The following TNS3 variants were observed in gnomAD, a reference collection of about 807,000 sequenced individuals.
The protein encoded by TNS3 is tensin-3.
A neutral mutation model predicts 140.9 loss-of-function variants in TNS3; 45 were observed. That is an observed-to-expected ratio of 0.32 (90% CI 0.25 to 0.41). The LOEUF (loss-of-function observed/expected upper bound fraction) is 0.41, where lower values mean the gene tolerates loss of function less well. Ranked by LOEUF, TNS3 falls within the 10% of genes least tolerant of loss-of-function variation. The probability of loss-of-function intolerance (pLI) is 1.00; values close to 1 mark genes in which losing one functional copy is unlikely to be tolerated. For synonymous variants in TNS3, 815 were observed against 788.4 expected, an observed-to-expected ratio of 1.03 and a Z score of -0.56; for missense variants, 1,716 against 1,906.7, an observed-to-expected ratio of 0.90 and a Z score of 1.86.
chr7:47,549,973 G>A, intron 1 of TNS3, among the ~76,000 whole-genome samples: 1 of 117,608 alleles, frequency 8.5e-6, no homozygotes, highest in African/African-American at 3.4e-5. Flanking sequence ...TTTGGCTCTT[G>A]ACAGGGGTGC....
intron 10 of TNS3, among the ~76,000 whole-genome samples, chr7:47,416,230 G>A (rs146038244): frequency 2.8e-4 from 43 of 152,324 alleles, no homozygotes; most frequent in Admixed American, 4.6e-4. Flanking sequence ...GGCAGACTGA[G>A]GCAGGAAGTG....
intron 16 of TNS3, among the ~76,000 whole-genome samples, chr7:47,392,478 G>A (rs1350155069): frequency 6.6e-6 from 1 of 152,216 alleles, no homozygotes; most frequent in Non-Finnish European, 1.5e-5. Flanking sequence ...TAACCAGGCG[G>A]CGGGGGGATA....
At chr7:47,347,214 A>G (rs1450565115) in intron 17 of TNS3, among the ~76,000 whole-genome samples, 1 of 152,178 alleles carries the variant, frequency 6.6e-6, no homozygotes, top group African/African-American at 2.4e-5. Flanking sequence ...GTAGCATTTC[A>G]CTGAAAGATG....
chr7:47,567,930 A>T (rs1390633205), intron 1 of TNS3, among the ~76,000 whole-genome samples: 1 of 152,204 alleles, frequency 6.6e-6, no homozygotes, highest in Non-Finnish European at 1.5e-5. Flanking sequence ...AACATGACTT[A>T]TTCTGCCAGT....
At chr7:47,291,125 A>G (rs1194381125) in intron 27 of TNS3, among the ~76,000 whole-genome samples, 1 of 152,216 alleles carries the variant, frequency 6.6e-6, no homozygotes, top group Admixed American at 6.5e-5. Flanking sequence ...ATACTGGAAA[A>G]GTTGAAAATA....
intron 3 of TNS3, among the ~76,000 whole-genome samples, chr7:47,496,507 G>A (rs1441490318): frequency 2.0e-5 from 3 of 152,212 alleles, no homozygotes; most frequent in African/African-American, 7.2e-5. Flanking sequence ...AGGGGAATCA[G>A]CAGAGGCTGC....
intron 2 of TNS3, among the ~76,000 whole-genome samples, chr7:47,524,155 C>G (rs903682286): frequency 6.6e-6 from 1 of 152,170 alleles, no homozygotes; most frequent in Non-Finnish European, 1.5e-5. Flanking sequence ...ACGAAGCAGC[C>G]GTCCCCTGGG....
intron 1 of TNS3, among the ~76,000 whole-genome samples, chr7:47,554,827 G>C (rs184231046): frequency 1.3e-5 from 2 of 151,638 alleles, no homozygotes; most frequent in East Asian, 3.9e-4. Flanking sequence ...TCAAGAGATG[G>C]AGACCATCCT....
intron 6 of TNS3, among the ~76,000 whole-genome samples, chr7:47,437,934 T>C (rs909296824): frequency 6.0e-5 from 9 of 151,202 alleles, no homozygotes; most frequent in Non-Finnish European, 1.0e-4. Context: ...GCCCCAGGCC[T>C]GGAAAGGGCT....
chr7:47,569,286 T>C (rs947945418), intron 1 of TNS3, among the ~76,000 whole-genome samples: 3 of 152,220 alleles, frequency 2.0e-5, no homozygotes, highest in African/African-American at 7.2e-5. Context: ...CTCACGCCTG[T>C]AATCCGAGCA....
intron 6 of TNS3, among the ~76,000 whole-genome samples, chr7:47,438,355 G>A (rs535769728): frequency 6.6e-6 from 1 of 152,270 alleles, no homozygotes; most frequent in African/African-American, 2.4e-5. Flanking sequence ...TTTGGGGAAG[G>A]GGGACTGGGG....
intron 20 of TNS3, among the ~76,000 whole-genome samples, chr7:47,317,256 G>T (rs553492261): frequency 6.6e-6 from 1 of 152,194 alleles, no homozygotes; most frequent in African/African-American, 2.4e-5. Flanking sequence ...ACCAAAAGCC[G>T]GGTGACCCTT....
At chr7:47,511,123 A>G (rs1192995203) in intron 2 of TNS3, among the ~76,000 whole-genome samples, 1 of 152,260 alleles carries the variant, frequency 6.6e-6, no homozygotes, top group Non-Finnish European at 1.5e-5. Context: ...ACAGCGTAGG[A>G]AAAACTCTAC....
chr7:47,503,079 C>A (rs55899713), intron 3 of TNS3, among the ~76,000 whole-genome samples: 3 of 152,130 alleles, frequency 2.0e-5, no homozygotes, highest in African/African-American at 7.2e-5. Flanking sequence ...ATTACTCCTG[C>A]GCATGTTCCC....
At position 47,304,907 on chromosome 7, in the gene TNS3, G is replaced by A. The variant is rs575487797; in HGVS notation, c.2747C>T (p.Ser916Leu). The A allele has an allele frequency of 1.0e-5, 15 of 1,435,516 alleles. No homozygotes were observed. The highest frequency in any genetic ancestry group is 1.9e-4 in the Middle Eastern group (1 of 5,404). 88.9% of individuals were successfully genotyped at this position (1,435,516 alleles called of 1,614,324 possible). A position where few individuals can be genotyped will look rare whatever the true frequency, so the allele number is the denominator to read the frequency against. Residue 916 changes from serine to leucine, a missense_variant, in exon 21 of 31, where the codon TCG (serine) becomes TTG (leucine). Around this residue, in one of 3 missense-constraint regions of TNS3, gnomAD observed 1,163 missense variants for 1,182.1 expected, o/e 0.98. Coordinates refer to ENST00000311160, the MANE Select transcript of TNS3 (RefSeq NM_022748.12). The part of the protein sequence containing the change: ...KSTMLRADAS[S>L]TPSFQQAFAS... ...AAAAGCCTGCTGAAAGGAGGGCGTC[G>A]AGGACGCATCAGCCCGGAGCATCGT...
intron 18 of TNS3, among the ~76,000 whole-genome samples, chr7:47,345,458 G>A (rs964433031): frequency 6.6e-6 from 1 of 152,164 alleles, no homozygotes; most frequent in South Asian, 2.1e-4. Flanking sequence ...CAGAAAAAAG[G>A]CCGGGTGGAA....
At chr7:47,442,122 C>T (rs1179593777) in intron 4 of TNS3, 67 bp from the exon 5 acceptor site, 4 of 1,041,206 alleles carry the variant, frequency 3.8e-6, no homozygotes, top group Admixed American at 7.0e-5. Flanking sequence ...ACACAGACAC[C>T]ACTGAGAGGG....
chr7:47,475,523 G>A (rs1374667700), intron 4 of TNS3, among the ~76,000 whole-genome samples: 2 of 66,398 alleles, frequency 3.0e-5, no homozygotes, highest in Admixed American at 2.2e-4. Context: ...GTAAACAGGC[G>A]GCACTTCCCC....
intron 1 of TNS3, among the ~76,000 whole-genome samples, chr7:47,531,534 G>A (rs1295308463): frequency 1.3e-5 from 2 of 152,144 alleles, no homozygotes; most frequent in African/African-American, 4.8e-5. Context: ...AATTACACAG[G>A]TAAATTTATG....
Sources: gnomAD v4.1 joint callset for allele counts (sites outside exome capture counted in the v4.1 genomes callset) on GRCh38, gnomAD v4.1.1 for gene constraint, gnomAD v4.1.1 regional missense constraint, MANE v1.5 for transcripts, NCBI Gene and HGNC (gene_info 2026-07-23, HGNC 2026-07-21) for gene names.